Variants in CPVL observed in about 807,000 individuals in gnomAD.
CPVL encodes carboxypeptidase vitellogenic like, also known as probable serine carboxypeptidase CPVL.
A neutral mutation model predicts 63.7 loss-of-function variants in CPVL; 51 were observed. That is an observed-to-expected ratio of 0.80 (90% CI 0.64 to 1.01). The LOEUF (loss-of-function observed/expected upper bound fraction) is 1.01. Among genes scored for constraint, CPVL ranks in the 50% least tolerant of loss-of-function variants. The pLI is 0.00. For missense variants in CPVL, 530 were observed against 573.1 expected (o/e 0.92, Z 0.77); for synonymous variants, 195 against 206.0 (o/e 0.95, Z 0.46).
chr7:29,188,836 C>T (rs1352547965), intron 1 of CPVL, among the ~76,000 whole-genome samples: 1 of 151,846 alleles, frequency 6.6e-6, no homozygotes, highest in Non-Finnish European at 1.5e-5. Context: ...AAACAGAAAT[C>T]ATTTCTATAG....
At chr7:29,137,635 T>G (rs1026559234) in intron 1 of CPVL, among the ~76,000 whole-genome samples, 2 of 152,194 alleles carry the variant, frequency 1.3e-5, no homozygotes, top group African/African-American at 4.8e-5. Flanking sequence ...CTCAATTTTA[T>G]AGGCAGGCTG....
chr7:29,173,455 C>A (rs1796874499), intron 5 of CPVL, among the ~76,000 whole-genome samples: 1 of 152,008 alleles, frequency 6.6e-6, no homozygotes, highest in Admixed American at 6.6e-5. Flanking sequence ...AATGTCACCC[C>A]CATCCTAACA....
chr7:29,089,647 CAA>C (rs1785569056), intron 6 of CPVL, among the ~76,000 whole-genome samples: 3 of 152,110 alleles, frequency 2.0e-5, no homozygotes, highest in African/African-American at 4.8e-5. Context: ...GGCAATGACC[CAA>C]AGACTCAAAA....
chr7:29,071,261 A>T (rs1783706664), intron 9 of CPVL, among the ~76,000 whole-genome samples: 1 of 152,236 alleles, frequency 6.6e-6, no homozygotes, highest in Non-Finnish European at 1.5e-5. Flanking sequence ...CACAAATACC[A>T]ATGGCCCTTT....
chr7:29,174,175 C>T (rs1364643783), intron 5 of CPVL, among the ~76,000 whole-genome samples: 1 of 152,004 alleles, frequency 6.6e-6, no homozygotes, highest in Non-Finnish European at 1.5e-5. Flanking sequence ...AGGTGGCTGC[C>T]CCCACACCTT....
upstream of CPVL, among the ~76,000 whole-genome samples, chr7:29,150,424 G>A (rs900587701): frequency 6.6e-6 from 1 of 152,202 alleles, no homozygotes; most frequent in African/African-American, 2.4e-5. Flanking sequence ...TGTGACTGCA[G>A]TTCTTTCCAA....
At chr7:29,153,655 C>T (rs4509208) in intron 5 of CPVL, among the ~76,000 whole-genome samples, 50,776 of 151,750 alleles carry the variant, frequency 0.33, 8,659 homozygotes, top group Non-Finnish European at 0.38. Context: ...CTGCAACCTC[C>T]GCCTCCCAGG....
At chr7:29,076,422 CA>C (rs149098723) in intron 7 of CPVL, among the ~76,000 whole-genome samples, 16,011 of 152,124 alleles carry the variant, frequency 0.11, 1,061 homozygotes, top group Middle Eastern at 0.15. Flanking sequence ...AGAGCAATAC[CA>C]AAGCAATTTT....
At chr7:28,997,421 T>C (rs1562714505) in intron 12 of CPVL, among the ~76,000 whole-genome samples, 1 of 152,190 alleles carries the variant, frequency 6.6e-6, no homozygotes, top group Non-Finnish European at 1.5e-5. Flanking sequence ...GATAGTACAT[T>C]TATTATATTG....
At chr7:29,000,261 A>C (rs1784482329) in intron 12 of CPVL, among the ~76,000 whole-genome samples, 1 of 151,988 alleles carries the variant, frequency 6.6e-6, no homozygotes, top group Non-Finnish European at 1.5e-5. Context: ...TTTAGATGAC[A>C]GAAAAGAGAG....
At chr7:29,100,603 G>A (rs1019651404) in intron 3 of CPVL, among the ~76,000 whole-genome samples, 1 of 152,092 alleles carries the variant, frequency 6.6e-6, no homozygotes, top group Non-Finnish European at 1.5e-5. Flanking sequence ...CTGACCCTGA[G>A]AGCCCACACT....
intron 12 of CPVL, 43 bp from the exon 13 acceptor site, chr7:28,995,925 A>T (rs369048385): frequency 5.7e-4 from 615 of 1,071,130 alleles, no homozygotes; most frequent in Non-Finnish European, 6.7e-4. Context: ...AGAGAAATGG[A>T]TATTCTAAAT....
intron 2 of CPVL, chr7:29,185,724 T>C (rs1171947530): frequency 6.6e-6 from 1 of 152,204 alleles, no homozygotes; most frequent in Admixed American, 6.5e-5. Context: ...GTGATTCTCA[T>C]ATATACCCCG....
rs138671658 is a variant in CPVL, at chr7:29,135,179, T to C, written c.-11+11250A>G. 1.1e-3 allele frequency among the ~76,000 whole-genome samples: 169 copies of C among 150,996 alleles called. 3 individuals carry two copies. In the East Asian group the frequency reaches 0.031, roughly 28 times the overall value. ...GAAAATATCTGCAGAGGTATAGATATGATTTTTCAGATTTAAAGGAACCAT... is the reference window on the plus strand; with the variant it reads ...GAAAATATCTGCAGAGGTATAGATACGATTTTTCAGATTTAAAGGAACCAT... On this transcript the variant is annotated intron_variant, in intron 1 of 12. Coordinates refer to ENST00000265394, the MANE Select transcript of CPVL (RefSeq NM_031311.5).
At chr7:29,030,806 A>G in intron 11 of CPVL, 47 bp from the exon 12 acceptor site, 1 of 1,530,784 alleles carries the variant, frequency 6.5e-7, no homozygotes, top group Non-Finnish European at 8.9e-7. Context: ...CAGGAGGTGA[A>G]GCTCATGAAT....
intron 5 of CPVL, among the ~76,000 whole-genome samples, chr7:29,094,069 A>G (rs2687638): frequency 0.52 from 78,648 of 152,118 alleles, 22,654 homozygotes; most frequent in African/African-American, 0.78. Flanking sequence ...GGCCAAGAGC[A>G]GTAGCTCATG....
chr7:29,155,068 G>C (rs245901), intron 5 of CPVL, among the ~76,000 whole-genome samples: 1 of 151,808 alleles, frequency 6.6e-6, no homozygotes, highest in Non-Finnish European at 1.5e-5. Flanking sequence ...CTTATTCACT[G>C]TCAGGAGAAC....
At chr7:29,121,563 T>C (rs1300333769) in intron 1 of CPVL, among the ~76,000 whole-genome samples, 5 of 152,132 alleles carry the variant, frequency 3.3e-5, no homozygotes, top group East Asian at 1.9e-4. Context: ...TAGAAACCAT[T>C]ATGCCACCAC....
chr7:29,169,862 G>A (rs1226029944), intron 5 of CPVL, among the ~76,000 whole-genome samples: 2 of 129,220 alleles, frequency 1.5e-5, no homozygotes, highest in African/African-American at 6.1e-5. Context: ...GTATATATAC[G>A]TGTGTGTGTG....
Sources: allele counts gnomAD v4.1 joint callset (sites outside exome capture counted in the v4.1 genomes callset), GRCh38; gene constraint gnomAD v4.1.1; transcripts MANE v1.5; gene names NCBI Gene and HGNC (gene_info 2026-07-23, HGNC 2026-07-21).